The following LINGO2 variants were observed in gnomAD, a reference collection of about 807,000 sequenced individuals.
LINGO2 encodes leucine-rich repeat and immunoglobulin-like domain-containing nogo receptor-interacting protein 2.
A neutral mutation model predicts 30.6 loss-of-function variants in LINGO2; 14 were observed. The observed-to-expected ratio is 0.46, with a 90% CI of 0.30 to 0.72. The LOEUF (loss-of-function observed/expected upper bound fraction) is 0.72. LINGO2 is among the 30% of genes least tolerant of loss of function. The pLI, the probability that LINGO2 is intolerant of heterozygous loss-of-function variation, is 0.07. For missense variants in LINGO2, 729 were observed against 751.7 expected, an observed-to-expected ratio of 0.97 and a Z score of 0.35; for synonymous variants, 317 against 288.5, an observed-to-expected ratio of 1.10 and a Z score of -1.00.
intron 4 of LINGO2, among the ~76,000 whole-genome samples, chr9:28,152,004 G>C (rs1425782457): frequency 2.0e-5 from 3 of 151,980 alleles, no homozygotes; most frequent in Non-Finnish European, 4.4e-5. Context: ...GTGTCATGAG[G>C]GCTTAATAAC....
chr9:29,154,315 T>C, the LINGO2 span, among the ~76,000 whole-genome samples: 1 of 151,772 alleles, frequency 6.6e-6, no homozygotes, highest in South Asian at 2.1e-4. Flanking sequence ...CCGGGCGTGG[T>C]GGCGGGCGCC....
At chr9:28,517,623 G>C (rs992763585) in intron 1 of LINGO2, among the ~76,000 whole-genome samples, 1 of 152,148 alleles carries the variant, frequency 6.6e-6, no homozygotes, top group Non-Finnish European at 1.5e-5. Context: ...AAGAGCATTT[G>C]GAAAGCAGTC....
chr9:28,749,138 T>C, the LINGO2 span, among the ~76,000 whole-genome samples: 1 of 152,064 alleles, frequency 6.6e-6, no homozygotes, highest in African/African-American at 2.4e-5. Flanking sequence ...AAGAGCTTTA[T>C]TTCTCACTCT....
chr9:28,570,783 A>C (rs1288627431), intron 1 of LINGO2, among the ~76,000 whole-genome samples: 1 of 151,934 alleles, frequency 6.6e-6, no homozygotes, highest in Non-Finnish European at 1.5e-5. Context: ...AACACTCTTC[A>C]GTTGTTTTTC....
intron 2 of LINGO2, among the ~76,000 whole-genome samples, chr9:28,461,827 T>C (rs1825093081): frequency 6.6e-6 from 1 of 152,166 alleles, no homozygotes; most frequent in African/African-American, 2.4e-5. Context: ...GTAATTGTTG[T>C]GCAGTCTATG....
chr9:27,957,779 A>G (rs1819648310), intron 5 of LINGO2, among the ~76,000 whole-genome samples: 1 of 152,220 alleles, frequency 6.6e-6, no homozygotes, highest in Non-Finnish European at 1.5e-5. Context: ...TGTTGATTAA[A>G]TTAATAAATC....
chr9:28,055,878 CAA>C (rs1343552516), intron 4 of LINGO2, among the ~76,000 whole-genome samples: 1 of 152,098 alleles, frequency 6.6e-6, no homozygotes, highest in African/African-American at 2.4e-5. Context: ...AGGCATTTGG[CAA>C]AAGTTAAATG....
At chr9:29,105,435 A>G in the LINGO2 span, among the ~76,000 whole-genome samples, 4 of 152,208 alleles carry the variant, frequency 2.6e-5, no homozygotes, top group African/African-American at 9.6e-5. Context: ...ATATGCAATT[A>G]AAAATGTGGC....
chr9:28,486,540 T>C (rs1331898), intron 1 of LINGO2, among the ~76,000 whole-genome samples: 97,867 of 152,058 alleles, frequency 0.64, 32,257 homozygotes, highest in South Asian at 0.75. Flanking sequence ...CATATGTTCA[T>C]GTGCATATGC....
intron 4 of LINGO2, among the ~76,000 whole-genome samples, chr9:28,168,115 C>G (rs533593940): frequency 1.3e-5 from 2 of 152,288 alleles, no homozygotes; most frequent in South Asian, 4.1e-4. Flanking sequence ...TTCTTGTTAC[C>G]TGGATGAGAA....
chr9:29,096,177 C>G, the LINGO2 span, among the ~76,000 whole-genome samples: 2 of 139,292 alleles, frequency 1.4e-5, 1 homozygote, highest in East Asian at 4.9e-4. Context: ...ATTTGGAAGA[C>G]AGGAGGAGTC....
In LINGO2 at chr9:28,103,384, C is replaced by A. The variant is rs552547564; in HGVS notation, c.-86-90979G>T. On this transcript the variant is annotated intron_variant, in intron 4 of 5. Transcript: ENST00000379992. ...TGGTTGGTCCATGGCTTATTTTGAC[C>A]AACAGTTTTGGAAGTGAGATGATGC... Among the ~76,000 whole-genome samples the A allele has an allele frequency of 2.6e-5, 4 of 152,078 alleles. No individual in the cohort carries two copies. In the East Asian group the frequency reaches 7.7e-4, roughly 29 times the overall value.
At chr9:27,971,315 C>T (rs1363657894) in intron 5 of LINGO2, among the ~76,000 whole-genome samples, 1 of 151,908 alleles carries the variant, frequency 6.6e-6, no homozygotes, top group Non-Finnish European at 1.5e-5. Flanking sequence ...CACCCAAAGT[C>T]TTAAGGTGGC....
the LINGO2 span, among the ~76,000 whole-genome samples, chr9:29,038,896 G>C: frequency 1.3e-5 from 2 of 152,132 alleles, no homozygotes; most frequent in Admixed American, 1.3e-4. Context: ...AGTCAGTACA[G>C]TATAAATGGT....
At chr9:27,967,910 A>G (rs1820176344) in intron 5 of LINGO2, among the ~76,000 whole-genome samples, 1 of 152,166 alleles carries the variant, frequency 6.6e-6, no homozygotes, top group Non-Finnish European at 1.5e-5. Flanking sequence ...ATATCAGTCA[A>G]GCTAAGCAAG....
chr9:28,564,491 C>T (rs1169509888), intron 1 of LINGO2, among the ~76,000 whole-genome samples: 1 of 152,044 alleles, frequency 6.6e-6, no homozygotes, highest in Admixed American at 6.5e-5. Flanking sequence ...TTCTTGTCTC[C>T]TCAACCTCCT....
chr9:28,127,598 G>A (rs973150051), intron 4 of LINGO2, among the ~76,000 whole-genome samples: 6 of 152,204 alleles, frequency 3.9e-5, no homozygotes, highest in African/African-American at 1.4e-4. Context: ...ATCGGACAAG[G>A]AACCTATGAA....
chr9:28,410,547 G>A (rs1360737556), intron 2 of LINGO2, among the ~76,000 whole-genome samples: 1 of 152,090 alleles, frequency 6.6e-6, no homozygotes, highest in Non-Finnish European at 1.5e-5. Context: ...GGAATCCCAT[G>A]AGATTTCCTG....
At chr9:28,055,759 T>C (rs1824906042) in intron 4 of LINGO2, among the ~76,000 whole-genome samples, 1 of 152,208 alleles carries the variant, frequency 6.6e-6, no homozygotes, top group African/African-American at 2.4e-5. Flanking sequence ...CTTGGAAGTT[T>C]AAGTAGTTCA....
Sources: gnomAD v4.1 joint callset for allele counts (sites outside exome capture counted in the v4.1 genomes callset) on GRCh38, gnomAD v4.1.1 for gene constraint, MANE v1.5 for transcripts, NCBI Gene and HGNC (gene_info 2026-07-23, HGNC 2026-07-21) for gene names.